Variants in RPN2 observed in about 807,000 individuals in gnomAD.
RPN2 encodes dolichyl-diphosphooligosaccharide--protein glycosyltransferase subunit 2.
Under a neutral mutation model 71.4 loss-of-function variants are expected in RPN2, and 29 were observed. That is an observed-to-expected ratio of 0.41 (90% CI 0.30 to 0.55). The LOEUF (loss-of-function observed/expected upper bound fraction) is 0.55, where lower values mean the gene tolerates loss of function less well. Among genes scored for constraint, RPN2 ranks in the 20% least tolerant of loss-of-function variants. The probability of loss-of-function intolerance (pLI) is 0.35; values close to 1 mark genes in which losing one functional copy is unlikely to be tolerated. For missense variants in RPN2, 726 were observed against 774.1 expected, an observed-to-expected ratio of 0.94 and a Z score of 0.74; for synonymous variants, 308 against 305.0, an observed-to-expected ratio of 1.01 and a Z score of -0.10.
chr20:37,179,804 C>T (rs8115763), intron 1 of RPN2, among the ~76,000 whole-genome samples: 57,766 of 152,124 alleles, frequency 0.38, 12,045 homozygotes, highest in African/African-American at 0.54. Context: ...AAAGAAAACC[C>T]TCACTTCTCT....
At chr20:37,221,870 G>A (rs181791649) in intron 9 of RPN2, among the ~76,000 whole-genome samples, 17 of 152,338 alleles carry the variant, frequency 1.1e-4, no homozygotes, top group Non-Finnish European at 2.2e-4. Context: ...TTGGGTCACA[G>A]TTCCTTCTGT....
rs79088585 is a variant in RPN2, at chr20:37,195,694, G to A, written c.208-2703G>A. Among the ~76,000 whole-genome samples, 783 of 152,232 alleles carry A rather than the reference G, an allele frequency of 5.1e-3. 5 individuals are homozygous for A. Among genetic ancestry groups the A allele is most frequent in the African/African-American group, 0.018 (746 of 41,550 alleles). On this transcript the variant is annotated intron_variant, in intron 2 of 16. Transcript: ENST00000237530. ...AGAAGTAGAGGTAGTCATTGTTTTG[G>A]GGTCTCCAGTGTTGTCGTTCCATTG... is the stretch of plus-strand genomic sequence containing the variant.
chr20:37,234,645 G>A (rs963687400), intron 15 of RPN2, among the ~76,000 whole-genome samples: 5 of 151,700 alleles, frequency 3.3e-5, no homozygotes, highest in Non-Finnish European at 5.9e-5. Context: ...TGGATCAGGG[G>A]TGCCTTGCAT....
At chr20:37,203,863 G>A in intron 4 of RPN2, 22 bp from the exon 5 acceptor site, 1 of 1,580,484 alleles carries the variant, frequency 6.3e-7, no homozygotes, top group Non-Finnish European at 8.7e-7. Flanking sequence ...CATTCATTGG[G>A]GTTCTACTCT....
intron 2 of RPN2, among the ~76,000 whole-genome samples, chr20:37,188,564 G>T (rs2067066980): frequency 6.6e-6 from 1 of 151,586 alleles, no homozygotes; most frequent in Non-Finnish European, 1.5e-5. Flanking sequence ...TGGTAGGAAG[G>T]GAAGTTCAAT....
intron 2 of RPN2, among the ~76,000 whole-genome samples, chr20:37,196,349 C>A (rs1278288609): frequency 6.6e-6 from 1 of 152,204 alleles, no homozygotes; most frequent in Non-Finnish European, 1.5e-5. Context: ...CCGCCTCAAG[C>A]CTCCCGAGTA....
At position 37,210,083 on chromosome 20, in the gene RPN2, C is replaced by G; in HGVS notation, c.904C>G (p.Gln302Glu). 6.2e-7 allele frequency: 1 copy of G among 1,614,182 alleles called. No homozygotes were observed. The highest frequency in any genetic ancestry group is 8.5e-7 in the Non-Finnish European group (1 of 1,180,014). The change falls in exon 8 of 17, where the codon CAG becomes GAG. Residue 302 changes from glutamine (Q) to glutamate (E), a missense_variant. Gln to Glu is a conservative substitution (Grantham distance 29). Transcript: ENST00000237530. ...CAATGTTCTGTCTCAGCCTCTGACT[C>G]AGGCCACTGTTAAACTAGAACATGC... is the stretch of plus-strand genomic sequence containing the variant. ...VTNVLSQPLT[Q>E]ATVKLEHAKS...
At chr20:37,235,092 A>G (rs1232200165) in intron 15 of RPN2, among the ~76,000 whole-genome samples, 3 of 152,134 alleles carry the variant, frequency 2.0e-5, no homozygotes, top group Non-Finnish European at 4.4e-5. Context: ...TTCTAGGCAA[A>G]TGTCTGTATT....
intron 2 of RPN2, among the ~76,000 whole-genome samples, chr20:37,191,256 C>T (rs1430184882): frequency 6.6e-6 from 1 of 152,074 alleles, no homozygotes; most frequent in African/African-American, 2.4e-5. Context: ...GTTGGTGGAT[C>T]CCTTGAGGTC....
chr20:37,200,463 G>A lies in RPN2; in HGVS notation c.479+1238G>A, dbSNP rs144494243. 301 of 532,904 alleles carry A rather than the reference G, an allele frequency of 5.6e-4. 2 individuals carry two copies. Among genetic ancestry groups the A allele is most frequent in the East Asian group, 2.6e-3 (48 of 18,336 alleles). 33.0% of individuals were successfully genotyped at this position (532,904 alleles called of 1,614,324 possible). On this transcript the variant is annotated intron_variant, in intron 4 of 16. Transcript: ENST00000237530. ...ACCCTGAAGGAGGGTGTGGAGCACC[G>A]TTCTGGAATCCCGTTCGTTGTTTAG... is the stretch of plus-strand genomic sequence containing the variant.
chr20:37,217,752 T>C (rs1479318327), intron 9 of RPN2, among the ~76,000 whole-genome samples: 2 of 67,962 alleles, frequency 2.9e-5, no homozygotes, highest in Non-Finnish European at 7.6e-5. Flanking sequence ...TTTTTTGAGA[T>C]GGAATCTTGC....
chr20:37,225,081 C>G (rs2068046830), intron 10 of RPN2, among the ~76,000 whole-genome samples: 1 of 152,156 alleles, frequency 6.6e-6, no homozygotes, highest in African/African-American at 2.4e-5. Flanking sequence ...GCCATCTTAC[C>G]CTAAAATCCC....
At chr20:37,191,660 T>G (rs925789436) in intron 2 of RPN2, among the ~76,000 whole-genome samples, 16 of 146,918 alleles carry the variant, frequency 1.1e-4, no homozygotes, top group Non-Finnish European at 1.9e-4. Flanking sequence ...CCCAGCTACT[T>G]TTTTTTTTTT....
At chr20:37,221,195 C>CTTTT (rs1176292055) in intron 9 of RPN2, among the ~76,000 whole-genome samples, 1 of 135,248 alleles carries the variant, frequency 7.4e-6, no homozygotes, top group Non-Finnish European at 1.6e-5. Flanking sequence ...TTACACAATT[C>CTTTT]TTTTTTTTTT....
In RPN2 at chr20:37,204,828, A is replaced by C; in HGVS notation, c.617A>C (p.Glu206Ala). The change falls in exon 6 of 17, where the codon GAA (glutamate) becomes GCA (alanine). Residue 206 changes from glutamate (E) to alanine (A), a missense_variant. By Grantham distance (107) the Glu-to-Ala change is moderately radical (BLOSUM62 -1). Coordinates refer to ENST00000237530, the MANE Select transcript of RPN2 (RefSeq NM_002951.5). Reference protein sequence around the residue: ...GVYLQFEEGLETTALFVAATY... With the variant: ...GVYLQFEEGLATTALFVAATY... Reference sequence around the variant, plus strand: ...TATCTCCAGTTTGAAGAAGGACTGGAAACAACAGCGTTATTTGTGGCTGCC... The same window carrying C: ...TATCTCCAGTTTGAAGAAGGACTGGCAACAACAGCGTTATTTGTGGCTGCC... The C allele has an allele frequency of 6.2e-7, 1 of 1,614,138 alleles. No homozygotes were observed. Among genetic ancestry groups the C allele is most frequent in the Non-Finnish European group, 8.5e-7 (1 of 1,180,022 alleles).
chr20:37,192,121 A>T lies in RPN2; in HGVS notation c.208-6276A>T, dbSNP rs894608666. On this transcript the variant is annotated intron_variant, in intron 2 of 16. Coordinates refer to ENST00000237530, the MANE Select transcript of RPN2 (RefSeq NM_002951.5). ...TGTCTCAAAGAAACCAAATTACTTT[A>T]AAAAAATGCCTCCCTTATAAAGCGT... Among the ~76,000 whole-genome samples the T allele has an allele frequency of 6.6e-5, 10 of 152,202 alleles. No individual in the cohort carries two copies. In the South Asian group the frequency reaches 1.2e-3, roughly 19 times the overall value.
intron 9 of RPN2, among the ~76,000 whole-genome samples, chr20:37,214,294 T>G (rs931055962): frequency 3.9e-5 from 6 of 152,188 alleles, no homozygotes; most frequent in African/African-American, 1.4e-4. Context: ...ATGAAGCTAT[T>G]TGGGTAAAGG....
At chr20:37,181,999 A>G (rs951290823) in intron 1 of RPN2, among the ~76,000 whole-genome samples, 33 of 152,248 alleles carry the variant, frequency 2.2e-4, no homozygotes, top group Middle Eastern at 3.4e-3. Flanking sequence ...TGTATTTTTA[A>G]CACCTAAAGT....
At chr20:37,202,300 G>A (rs549679710) in intron 4 of RPN2, among the ~76,000 whole-genome samples, 5 of 152,302 alleles carry the variant, frequency 3.3e-5, no homozygotes, top group South Asian at 4.1e-4. Flanking sequence ...CATAGGTGTC[G>A]TTGAATACTC....
Sources: gnomAD v4.1 joint callset for allele counts (sites outside exome capture counted in the v4.1 genomes callset) on GRCh38, gnomAD v4.1.1 for gene constraint, MANE v1.5 for transcripts, NCBI Gene and HGNC (gene_info 2026-07-23, HGNC 2026-07-21) for gene names.